MCC: variants seen among roughly 807,000 people sequenced by gnomAD.
MCC encodes the protein colorectal mutant cancer protein.
MCC carries 90 observed loss-of-function variants against 116.2 expected under a neutral mutation model. The ratio of observed to expected loss-of-function variants is 0.77; its 90% CI spans 0.65 to 0.92. MCC has a LOEUF of 0.92. MCC is among the 40% of genes least tolerant of loss of function. The pLI is 0.00. For synonymous variants in MCC, 578 were observed against 510.5 expected (o/e 1.13, Z -1.78); for missense variants, 1,516 against 1,312.2 (o/e 1.16, Z -2.40).
chr5:113,063,362 C>G (rs559274833), intron 14 of MCC, among the ~76,000 whole-genome samples: 12 of 152,318 alleles, frequency 7.9e-5, no homozygotes, highest in Admixed American at 1.3e-4. Context: ...CGCTCTCTTC[C>G]TAGCTTCCTT....
At chr5:113,455,668 C>T (rs1771522507) in intron 1 of MCC, among the ~76,000 whole-genome samples, 1 of 152,000 alleles carries the variant, frequency 6.6e-6, no homozygotes, top group African/African-American at 2.4e-5. Flanking sequence ...TACAATAGCC[C>T]CAGAGGAATT....
chr5:113,332,809 G>C (rs1304773805), intron 3 of MCC, among the ~76,000 whole-genome samples: 2 of 151,622 alleles, frequency 1.3e-5, no homozygotes, highest in Non-Finnish European at 1.5e-5. Context: ...ACAGATTCTA[G>C]ACTTCAATTA....
At chr5:113,380,806 G>C (rs1014853648) in intron 2 of MCC, among the ~76,000 whole-genome samples, 2 of 152,218 alleles carry the variant, frequency 1.3e-5, no homozygotes, top group Non-Finnish European at 2.9e-5. Flanking sequence ...TAAGTGCCTA[G>C]TAAAGGCTCA....
Position 113,072,488 on chromosome 5 carries a change from T to A in MCC, c.1785-1254A>T, listed in dbSNP as rs62373352. ...TTAGATAAAGCCTTTACCCAACTCA[T>A]AGACCTCCATGTAGCCAAGCCCATC... On this transcript the variant is annotated intron_variant, in intron 11 of 18. Transcript: ENST00000408903. Among the ~76,000 whole-genome samples the A allele has an allele frequency of 4.0e-3, 604 of 152,310 alleles. 2 individuals carry two copies. The highest frequency in any genetic ancestry group is 6.8e-3 in the Middle Eastern group (2 of 294).
intron 1 of MCC, among the ~76,000 whole-genome samples, chr5:113,425,036 A>G (rs144354566): frequency 6.6e-6 from 1 of 152,326 alleles, no homozygotes; most frequent in East Asian, 1.9e-4. Flanking sequence ...CCTAGAACTT[A>G]AGAATATCAG....
At chr5:113,036,600 C>A (rs1751346054) in intron 17 of MCC, among the ~76,000 whole-genome samples, 1 of 152,182 alleles carries the variant, frequency 6.6e-6, no homozygotes, top group African/African-American at 2.4e-5. Context: ...AGGACAACAG[C>A]AGTCTAACTT....
At chr5:113,044,359 C>T in intron 16 of MCC, 1 of 381,948 alleles carries the variant, frequency 2.6e-6, no homozygotes. Context: ...AGAGCCAGTG[C>T]TCCAAATCCT....
In MCC at chr5:113,453,740, A is replaced by G. The variant is rs2150421411; in HGVS notation, c.170+34505T>C. Among the ~76,000 whole-genome samples the G allele has an allele frequency of 1.3e-5, 2 of 152,366 alleles. 1 individual carries two copies. Among genetic ancestry groups the G allele is most frequent in the South Asian group, 4.1e-4 (2 of 4,832 alleles). ...ACTAGGTTCAGGGAGAGGACACTCTAAATCCTGTTTGGTATTTAGTCACTG... is the reference window on the plus strand; with the variant it reads ...ACTAGGTTCAGGGAGAGGACACTCTGAATCCTGTTTGGTATTTAGTCACTG... On this transcript the variant is annotated intron_variant, in intron 1 of 18. Transcript: ENST00000408903.
chr5:113,294,228 G>T lies in MCC; in HGVS notation c.627+46291C>A, dbSNP rs1039829765. Reference sequence around the variant, plus strand: ...GCGCTGCCTCCAGACTGGGAGCACAGGGGGATAGGGTGTAGGGCTGTGGGG... The same window carrying T: ...GCGCTGCCTCCAGACTGGGAGCACATGGGGATAGGGTGTAGGGCTGTGGGG... On this transcript the variant is annotated intron_variant, in intron 3 of 18. Transcript: ENST00000408903. 5 of 1,449,260 alleles carry T rather than the reference G, an allele frequency of 3.5e-6. No individual in the cohort carries two copies. The African/African-American group carries it at 5.7e-5, about 16-fold the overall frequency. 89.8% of individuals were successfully genotyped at this position (1,449,260 alleles called of 1,614,324 possible).
intron 15 of MCC, among the ~76,000 whole-genome samples, chr5:113,051,728 CAACAAACAAACA>C (rs36220203): frequency 1.3e-5 from 2 of 151,374 alleles, no homozygotes; most frequent in African/African-American, 2.4e-5. Flanking sequence ...TGTTTCAAAA[CAACAAACAAACA>C]AACAAACAAC....
Position 113,479,542 on chromosome 5 carries a change from G to A in MCC, c.170+8703C>T, listed in dbSNP as rs565350122. Among the ~76,000 whole-genome samples the A allele has an allele frequency of 9.4e-5, 14 of 149,598 alleles. No homozygotes were observed. The South Asian group carries it at 1.1e-3, about 11-fold the overall frequency. ...TCACTTGTATGTGAATGTTCATAACGCCAATGTGTCCTCTTCCAAATTGTC... is the reference window on the plus strand; with the variant it reads ...TCACTTGTATGTGAATGTTCATAACACCAATGTGTCCTCTTCCAAATTGTC... On this transcript the variant is annotated intron_variant, in intron 1 of 18. Transcript: ENST00000408903.
intron 4 of MCC, among the ~76,000 whole-genome samples, chr5:113,149,256 A>G (rs1410212834): frequency 6.6e-6 from 1 of 152,036 alleles, no homozygotes; most frequent in African/African-American, 2.4e-5. Flanking sequence ...AAAACACTGT[A>G]AAACAAAAAA....
intron 3 of MCC, among the ~76,000 whole-genome samples, chr5:113,188,627 A>G (rs1762013410): frequency 6.6e-6 from 1 of 152,236 alleles, no homozygotes; most frequent in Non-Finnish European, 1.5e-5. Flanking sequence ...TGGTATAAAG[A>G]GACCAGCCCA....
chr5:113,364,015 C>G (rs1447503429), intron 2 of MCC, among the ~76,000 whole-genome samples: 1 of 152,036 alleles, frequency 6.6e-6, no homozygotes, highest in African/African-American at 2.4e-5. Flanking sequence ...AGGCAGATCA[C>G]AAGGTCAGGA....
intron 3 of MCC, among the ~76,000 whole-genome samples, chr5:113,181,907 A>G (rs1280784292): frequency 2.0e-5 from 3 of 152,196 alleles, no homozygotes; most frequent in Non-Finnish European, 4.4e-5. Context: ...GTTGCCACGC[A>G]GATATGTTGC....
intron 1 of MCC, among the ~76,000 whole-genome samples, chr5:113,475,166 T>G (rs1028593247): frequency 6.6e-6 from 1 of 152,226 alleles, no homozygotes; most frequent in Non-Finnish European, 1.5e-5. Flanking sequence ...TGCCATAATA[T>G]TGAATAGATG....
intron 11 of MCC, among the ~76,000 whole-genome samples, chr5:113,072,362 C>T (rs1271047797): frequency 6.6e-6 from 1 of 152,202 alleles, no homozygotes; most frequent in East Asian, 1.9e-4. Flanking sequence ...TAAGGTGCCA[C>T]AAGAATGCTT....
chr5:113,374,739 C>G (rs984749669), intron 2 of MCC, among the ~76,000 whole-genome samples: 1 of 151,956 alleles, frequency 6.6e-6, no homozygotes, highest in African/African-American at 2.4e-5. Flanking sequence ...GCTGTAAATC[C>G]CAGCACTTTG....
intron 3 of MCC, among the ~76,000 whole-genome samples, chr5:113,191,849 T>C (rs1188495836): frequency 1.3e-5 from 2 of 152,184 alleles, no homozygotes; most frequent in Non-Finnish European, 2.9e-5. Context: ...GTCAAGTTGT[T>C]GTTTTTCTCT....
Sources: gnomAD v4.1 joint callset for allele counts (sites outside exome capture counted in the v4.1 genomes callset) on GRCh38, gnomAD v4.1.1 for gene constraint, MANE v1.5 for transcripts, NCBI Gene and HGNC (gene_info 2026-07-23, HGNC 2026-07-21) for gene names.